Variants in INTS4 observed in about 807,000 individuals in gnomAD.
INTS4 encodes MSTP093.
Under a neutral mutation model 119.5 loss-of-function variants are expected in INTS4, and 70 were observed. That is an observed-to-expected ratio of 0.59 (90% CI 0.48 to 0.71). The LOEUF (loss-of-function observed/expected upper bound fraction) is 0.71, where lower values mean the gene tolerates loss of function less well. Ranked by LOEUF, INTS4 falls within the 30% of genes least tolerant of loss-of-function variation. The pLI is 0.00. For synonymous variants in INTS4, 316 were observed against 419.6 expected (o/e 0.75, Z 3.02); for missense variants, 867 against 1,173.2 (o/e 0.74, Z 3.81).
At chr11:77,957,276 GGTTCA>G (rs1954352418) in intron 7 of INTS4, among the ~76,000 whole-genome samples, 2 of 152,072 alleles carry the variant, frequency 1.3e-5, no homozygotes, top group Non-Finnish European at 2.9e-5. Flanking sequence ...ACCCACCAAA[GGTTCA>G]GCCAGGCGTG....
chr11:77,927,179 A>G (rs969952962), intron 11 of INTS4, among the ~76,000 whole-genome samples: 3 of 152,230 alleles, frequency 2.0e-5, no homozygotes, highest in Non-Finnish European at 2.9e-5. Context: ...AAGGTGAGGA[A>G]TGGTGGAAAA....
chr11:77,908,245 A>C (rs1331206504), intron 15 of INTS4, among the ~76,000 whole-genome samples: 1 of 152,012 alleles, frequency 6.6e-6, no homozygotes, highest in East Asian at 1.9e-4. Context: ...TTTTTTTATT[A>C]TACTTTAAGT....
intron 10 of INTS4, among the ~76,000 whole-genome samples, chr11:77,936,274 C>T (rs1308074566): frequency 6.6e-6 from 1 of 152,052 alleles, no homozygotes. Context: ...AATAATAGTC[C>T]TAGTAAACAA....
At position 77,883,820 on chromosome 11, in the gene INTS4, C is replaced by T. The variant is rs1357387243; in HGVS notation, c.2713+12G>A. 6.2e-7 allele frequency: 1 copy of T among 1,612,420 alleles called. No individual in the cohort carries two copies. The highest frequency in any genetic ancestry group is 8.5e-7 in the Non-Finnish European group (1 of 1,179,260). On this transcript the variant is annotated intron_variant, in intron 22 of 22. Coordinates refer to ENST00000534064, the MANE Select transcript of INTS4 (RefSeq NM_033547.4). ...GCATATTTCCCTTCCCACCCTGGTCCTGACTCCTTACCTGTCCAAGCGGTG... is the reference window on the plus strand; with the variant it reads ...GCATATTTCCCTTCCCACCCTGGTCTTGACTCCTTACCTGTCCAAGCGGTG...
chr11:77,898,227 G>A (rs1299575571), intron 18 of INTS4, among the ~76,000 whole-genome samples: 2 of 152,088 alleles, frequency 1.3e-5, no homozygotes, highest in East Asian at 3.9e-4. Flanking sequence ...GCAGTGGTGC[G>A]ATCTCGGCTC....
chr11:77,960,095 T>G (rs2034499), intron 6 of INTS4, among the ~76,000 whole-genome samples: 2,297 of 152,044 alleles, frequency 0.015, 56 homozygotes, highest in African/African-American at 0.051. Context: ...GGTACTCTCA[T>G]TCTCATACTG....
rs1389338340 is a variant in INTS4, at chr11:77,894,271, A to G, written c.2288+19T>C. ...TGTAACCAAGATTTAATAAGCCAGA[A>G]GAGTTATAAAATACTTACCTCTGAA... On this transcript the variant is annotated intron_variant, in intron 19 of 22. Transcript: ENST00000534064. The G allele has an allele frequency of 4.5e-6, 6 of 1,340,272 alleles. No individual in the cohort carries two copies. Among genetic ancestry groups the G allele is most frequent in the Non-Finnish European group, 4.2e-6 (4 of 945,860 alleles). 83.0% of individuals were successfully genotyped at this position (1,340,272 alleles called of 1,614,324 possible). A position where few individuals can be genotyped will look rare whatever the true frequency, so the allele number is the denominator to read the frequency against.
intron 13 of INTS4, 73 bp downstream of exon 13, chr11:77,922,283 T>C: frequency 1.3e-6 from 2 of 1,501,558 alleles, no homozygotes; most frequent in South Asian, 1.2e-5. Flanking sequence ...CAGACTACCC[T>C]AGCTATACTG....
chr11:77,934,460 G>A (rs1953742973), intron 10 of INTS4, among the ~76,000 whole-genome samples: 1 of 151,880 alleles, frequency 6.6e-6, no homozygotes, highest in Non-Finnish European at 1.5e-5. Context: ...GGTGACTGCA[G>A]GGAGACAAAT....
chr11:77,891,906 C>T lies in INTS4; in HGVS notation c.2289-66G>A, dbSNP rs543399728. 1.2e-5 allele frequency: 19 copies of T among 1,601,870 alleles called. No individual in the cohort carries two copies. The Admixed American group carries it at 2.9e-4, about 24-fold the overall frequency. ...CACTCATTCACCACAGGCTGGGCCC[C>T]AGACACCTATCAAACCCTGAAGTAG... On this transcript the variant is annotated intron_variant, in intron 19 of 22. Transcript: ENST00000534064.
At chr11:77,974,889 C>T (rs4944186) in intron 4 of INTS4, among the ~76,000 whole-genome samples, 10,425 of 152,128 alleles carry the variant, frequency 0.069, 574 homozygotes, top group Admixed American at 0.15. Flanking sequence ...CATAAGCCAC[C>T]GCCCTCGACA....
chr11:77,963,976 A>G (rs1855369187), intron 4 of INTS4, among the ~76,000 whole-genome samples: 1 of 152,226 alleles, frequency 6.6e-6, no homozygotes, highest in South Asian at 2.1e-4. Flanking sequence ...TGTATTCTGT[A>G]TGCAGATTCT....
intron 4 of INTS4, among the ~76,000 whole-genome samples, chr11:77,963,019 C>T (rs1055510747): frequency 1.6e-4 from 24 of 151,956 alleles, no homozygotes; most frequent in Admixed American, 9.8e-4. Flanking sequence ...TCTCAAACCG[C>T]GCCCCCTAAA....
At chr11:77,961,476 C>A (rs541442863) in intron 4 of INTS4, among the ~76,000 whole-genome samples, 1 of 152,182 alleles carries the variant, frequency 6.6e-6, no homozygotes, top group East Asian at 1.9e-4. Context: ...TAAAACCAGA[C>A]AAAAATGTAT....
intron 22 of INTS4, among the ~76,000 whole-genome samples, chr11:77,882,133 C>T (rs1429499531): frequency 6.6e-6 from 1 of 152,190 alleles, no homozygotes; most frequent in East Asian, 1.9e-4. Flanking sequence ...CCATGCTGGT[C>T]TCAGACTCTT....
At chr11:77,947,164 T>C (rs1954068992) in intron 8 of INTS4, among the ~76,000 whole-genome samples, 1 of 149,918 alleles carries the variant, frequency 6.7e-6, no homozygotes, top group Middle Eastern at 3.2e-3. Flanking sequence ...ATATGGGACA[T>C]CAACAGGCAA....
intron 4 of INTS4, among the ~76,000 whole-genome samples, chr11:77,972,956 T>G (rs1214279679): frequency 6.6e-6 from 1 of 151,736 alleles, no homozygotes; most frequent in Non-Finnish European, 1.5e-5. Flanking sequence ...TTCTCTCTCC[T>G]CAGCTTCCCA....
intron 2 of INTS4, chr11:77,987,648 T>C (rs11606909): frequency 0.17 from 77,262 of 449,124 alleles, 7,440 homozygotes; most frequent in Non-Finnish European, 0.2. Flanking sequence ...GGAGGGTTGC[T>C]TGAGCTCAGG....
At chr11:77,959,645 A>T (rs745873680) in intron 6 of INTS4, among the ~76,000 whole-genome samples, 5 of 152,152 alleles carry the variant, frequency 3.3e-5, no homozygotes, top group Non-Finnish European at 5.9e-5. Flanking sequence ...CACCACCACA[A>T]GCATTCTGGA....
Sources: gnomAD v4.1 joint callset for allele counts (sites outside exome capture counted in the v4.1 genomes callset) on GRCh38, gnomAD v4.1.1 for gene constraint, MANE v1.5 for transcripts, NCBI Gene and HGNC (gene_info 2026-07-23, HGNC 2026-07-21) for gene names.